IDE: variants seen among roughly 807,000 people sequenced by gnomAD.
The protein encoded by IDE is insulin degrading enzyme.
Under a neutral mutation model 133.2 loss-of-function variants are expected in IDE, and 58 were observed. That is an observed-to-expected ratio of 0.44 (90% CI 0.35 to 0.54). The LOEUF (loss-of-function observed/expected upper bound fraction) is 0.54. Ranked by LOEUF, IDE falls within the 20% of genes least tolerant of loss-of-function variation. The probability of loss-of-function intolerance (pLI) is 0.00; values close to 1 mark genes in which losing one functional copy is unlikely to be tolerated. For missense variants in IDE, 981 were observed against 1,234.0 expected (o/e 0.79, Z 3.07); for synonymous variants, 396 against 421.3 (o/e 0.94, Z 0.73).
chr10:92,555,159 CAAT>C (rs1842950248), intron 1 of IDE, among the ~76,000 whole-genome samples: 2 of 152,074 alleles, frequency 1.3e-5, no homozygotes, highest in South Asian at 4.1e-4. Context: ...TTCTATTCAT[CAAT>C]GATAATTTTC....
rs568489612 is a variant in IDE at position 92,479,589 on chromosome 10, A to G, written c.1740-168T>C. On this transcript the variant is annotated intron_variant, in intron 14 of 24. Transcript: ENST00000265986. ...AGGAAAAAAAAGAAGATGTCTGAAA[A>G]AGAAGCCTGAAGTGTGTGTGAGTGT... The G allele has an allele frequency of 1.2e-5, 7 of 585,914 alleles. No homozygotes were observed. The East Asian group carries it at 2.0e-4, about 17-fold the overall frequency. 36.3% of individuals were successfully genotyped at this position (585,914 alleles called of 1,614,324 possible).
chr10:92,524,425 A>ATT (rs1849451373), intron 4 of IDE, among the ~76,000 whole-genome samples: 4 of 75,000 alleles, frequency 5.3e-5, no homozygotes, highest in African/African-American at 2.0e-4. Context: ...TATTATATAT[A>ATT]ATATATTTTA....
At chr10:92,507,196 T>C (rs1039051965) in intron 9 of IDE, among the ~76,000 whole-genome samples, 3 of 152,172 alleles carry the variant, frequency 2.0e-5, no homozygotes, top group Non-Finnish European at 2.9e-5. Context: ...CATTACTTCT[T>C]TGAGAGTTTG....
intron 11 of IDE, among the ~76,000 whole-genome samples, chr10:92,503,612 G>A (rs1449337722): frequency 6.6e-6 from 1 of 151,984 alleles, no homozygotes; most frequent in East Asian, 1.9e-4. Context: ...TATAGTGCAA[G>A]TCATATATAT....
rs757444324 is a variant in IDE, at chr10:92,534,745, A to G, written c.324T>C (p.His108=). The change falls in exon 3 of 25, where the codon CAT becomes CAC. Residue 108 remains histidine (H), a synonymous_variant. Coordinates refer to ENST00000265986, the MANE Select transcript of IDE (RefSeq NM_004969.4). ...SDPPNIAGLS[H]FCEHMLFLGT... ...CCAAAAAAAGCATATGTTCACAAAAATGACTTAAGCCAGCAATATTTGGAG... is the reference window on the plus strand; with the variant it reads ...CCAAAAAAAGCATATGTTCACAAAAGTGACTTAAGCCAGCAATATTTGGAG... The G allele has an allele frequency of 7.4e-6, 12 of 1,613,774 alleles. No individual in the cohort carries two copies. The African/African-American group carries it at 1.3e-4, about 18-fold the overall frequency.
chr10:92,563,352 T>C (rs1464967484), intron 1 of IDE, among the ~76,000 whole-genome samples: 1 of 151,536 alleles, frequency 6.6e-6, no homozygotes, highest in African/African-American at 2.4e-5. Context: ...CTTAGGAGGC[T>C]GAAGCAGGAG....
At chr10:92,533,342 A>G (rs1216867851) in intron 3 of IDE, among the ~76,000 whole-genome samples, 1 of 152,206 alleles carries the variant, frequency 6.6e-6, no homozygotes, top group Non-Finnish European at 1.5e-5. Flanking sequence ...TTACACCTCA[A>G]AGCTGCTGCC....
At chr10:92,479,243 G>T (rs1846453944) in intron 15 of IDE, 34 bp downstream of exon 15, 2 of 1,487,980 alleles carry the variant, frequency 1.3e-6, no homozygotes, top group African/African-American at 2.8e-5. Context: ...AAAAAATGTT[G>T]ATGAGTGGAA....
At chr10:92,479,530 G>A (rs1846479496) in intron 14 of IDE, 109 bp from the exon 15 acceptor site, 1 of 809,824 alleles carries the variant, frequency 1.2e-6, no homozygotes, top group South Asian at 1.8e-5. Flanking sequence ...GATTTCCTGA[G>A]GATATGGTTG....
intron 11 of IDE, among the ~76,000 whole-genome samples, chr10:92,492,315 T>A (rs1038569427): frequency 7.9e-5 from 12 of 151,054 alleles, no homozygotes; most frequent in Non-Finnish European, 1.6e-4. Flanking sequence ...AGTAAAGTGA[T>A]GTCAAAAGAT....
At chr10:92,496,529 T>C (rs749720641) in intron 11 of IDE, among the ~76,000 whole-genome samples, 39 of 152,210 alleles carry the variant, frequency 2.6e-4, no homozygotes, top group Non-Finnish European at 4.1e-4. Context: ...CTCATGCCTG[T>C]AATCTCAACA....
chr10:92,563,856 T>G (rs1237288468), intron 1 of IDE, among the ~76,000 whole-genome samples: 4 of 152,206 alleles, frequency 2.6e-5, no homozygotes, highest in African/African-American at 9.7e-5. Context: ...AGAAGCCATA[T>G]GTCTTTTTTG....
chr10:92,472,335 G>C (rs1281740795), intron 17 of IDE, among the ~76,000 whole-genome samples: 3 of 152,094 alleles, frequency 2.0e-5, no homozygotes, highest in African/African-American at 7.2e-5. Context: ...TATAAAAGTA[G>C]GCTTCGTTTT....
chr10:92,534,126 C>T (rs1804781748), intron 3 of IDE, among the ~76,000 whole-genome samples: 1 of 152,132 alleles, frequency 6.6e-6, no homozygotes, highest in South Asian at 2.1e-4. Context: ...TTAAATCGGC[C>T]TAATGGAGCT....
At chr10:92,459,229 T>C (rs1845221986) in intron 22 of IDE, among the ~76,000 whole-genome samples, 1 of 152,192 alleles carries the variant, frequency 6.6e-6, no homozygotes, top group African/African-American at 2.4e-5. Context: ...AAATCACCAT[T>C]TTCCTCAAAG....
At chr10:92,564,740 A>C (rs1160234373) in intron 1 of IDE, among the ~76,000 whole-genome samples, 2 of 149,566 alleles carry the variant, frequency 1.3e-5, no homozygotes, top group African/African-American at 2.4e-5. Context: ...CCATAGGACC[A>C]TAAGATCAAG....
At chr10:92,542,902 C>G (rs1299334676) in intron 1 of IDE, among the ~76,000 whole-genome samples, 1 of 152,216 alleles carries the variant, frequency 6.6e-6, no homozygotes, top group Non-Finnish European at 1.5e-5. Flanking sequence ...CCAAATTCCA[C>G]ACCAAGAGTA....
chr10:92,539,502 G>T (rs1201844088), intron 1 of IDE, among the ~76,000 whole-genome samples: 1 of 151,736 alleles, frequency 6.6e-6, no homozygotes, highest in African/African-American at 2.4e-5. Flanking sequence ...ACGGTGGCTC[G>T]CGCCTGTAAT....
chr10:92,544,937 T>A (rs779206333), intron 1 of IDE, among the ~76,000 whole-genome samples: 1 of 152,150 alleles, frequency 6.6e-6, no homozygotes, highest in African/African-American at 2.4e-5. Context: ...TGGGTTTAAG[T>A]ATACTATTTT....
Sources: gnomAD v4.1 joint callset for allele counts (sites outside exome capture counted in the v4.1 genomes callset) on GRCh38, gnomAD v4.1.1 for gene constraint, MANE v1.5 for transcripts, NCBI Gene and HGNC (gene_info 2026-07-23, HGNC 2026-07-21) for gene names.